The following CSNK2A2IP variants were observed in gnomAD, a reference collection of about 807,000 sequenced individuals.
CSNK2A2IP encodes the protein casein kinase 2 subunit alpha' interacting protein.
chr3:88,456,604 G>A, the CSNK2A2IP span, among the ~76,000 whole-genome samples: 1 of 145,908 alleles, frequency 6.9e-6, no homozygotes, highest in African/African-American at 2.5e-5. Flanking sequence ...GGGCTTTAGG[G>A]TTTTCTATGT....
the CSNK2A2IP span, among the ~76,000 whole-genome samples, chr3:88,376,551 G>A: frequency 6.6e-6 from 1 of 151,614 alleles, no homozygotes; most frequent in African/African-American, 2.4e-5. Flanking sequence ...TATTTCATTA[G>A]CTTCAAGATA....
the CSNK2A2IP span, among the ~76,000 whole-genome samples, chr3:88,425,353 T>C: frequency 2.6e-5 from 4 of 152,076 alleles, no homozygotes; most frequent in African/African-American, 9.6e-5. Context: ...CAAACCAAAT[T>C]GTATTTTTCC....
At chr3:88,429,571 T>G in the CSNK2A2IP span, among the ~76,000 whole-genome samples, 1 of 88,180 alleles carries the variant, frequency 1.1e-5, no homozygotes, top group Non-Finnish European at 2.6e-5. Context: ...GCTAAATAGC[T>G]GGCTCTCTGA....
chr3:88,366,751 G>A, the CSNK2A2IP span, among the ~76,000 whole-genome samples: 2 of 152,022 alleles, frequency 1.3e-5, no homozygotes, highest in Non-Finnish European at 1.5e-5. Context: ...TTCTTAAATA[G>A]GGGCATGTAT....
At chr3:88,464,603 A>G in the CSNK2A2IP span, among the ~76,000 whole-genome samples, 1 of 152,112 alleles carries the variant, frequency 6.6e-6, no homozygotes, top group Non-Finnish European at 1.5e-5. Context: ...ATAAGAACTA[A>G]AAATATGCGA....
the CSNK2A2IP span, among the ~76,000 whole-genome samples, chr3:88,460,814 G>A: frequency 6.6e-6 from 1 of 152,076 alleles, no homozygotes; most frequent in South Asian, 2.1e-4. Flanking sequence ...GAGGATGGAC[G>A]CCATGGCTCA....
the CSNK2A2IP span, among the ~76,000 whole-genome samples, chr3:88,435,645 C>A: frequency 6.6e-6 from 1 of 152,000 alleles, no homozygotes; most frequent in African/African-American, 2.4e-5. Flanking sequence ...CTATTACTTG[C>A]GGCCTTTAAA....
At chr3:88,411,379 G>GTCTATCTA in the CSNK2A2IP span, among the ~76,000 whole-genome samples, 437 of 143,608 alleles carry the variant, frequency 3.0e-3, 7 homozygotes, top group African/African-American at 0.012. Flanking sequence ...CTATCTATCT[G>GTCTATCTA]TCTATCTATC....
At chr3:88,388,552 A>G in the CSNK2A2IP span, among the ~76,000 whole-genome samples, 1 of 152,202 alleles carries the variant, frequency 6.6e-6, no homozygotes, top group African/African-American at 2.4e-5. Context: ...TATCTAATTA[A>G]ATGCAAGTCT....
At chr3:88,345,076 G>T in the CSNK2A2IP span, among the ~76,000 whole-genome samples, 2 of 152,000 alleles carry the variant, frequency 1.3e-5, no homozygotes, top group African/African-American at 2.4e-5. Flanking sequence ...CGCACACATT[G>T]TCTGGATTAT....
the CSNK2A2IP span, among the ~76,000 whole-genome samples, chr3:88,417,544 A>C: frequency 6.6e-6 from 1 of 152,126 alleles, no homozygotes; most frequent in Non-Finnish European, 1.5e-5. Context: ...TCTGTAACCT[A>C]CTGTTTTGTA....
At chr3:88,378,148 T>C in the CSNK2A2IP span, among the ~76,000 whole-genome samples, 6 of 152,122 alleles carry the variant, frequency 3.9e-5, no homozygotes. Flanking sequence ...TTATTAATGA[T>C]GCAATTTTAA....
the CSNK2A2IP span, among the ~76,000 whole-genome samples, chr3:88,396,191 G>A: frequency 2.2e-3 from 320 of 144,292 alleles, 5 homozygotes; most frequent in Non-Finnish European, 3.7e-4. Context: ...TGCAGGCTCC[G>A]CCCCCTGGGG....
At chr3:88,421,676 C>G in the CSNK2A2IP span, among the ~76,000 whole-genome samples, 5 of 152,148 alleles carry the variant, frequency 3.3e-5, no homozygotes, top group African/African-American at 1.2e-4. Flanking sequence ...CTCGGCCTCT[C>G]AAAATGCTGG....
chr3:88,366,984 C>A, the CSNK2A2IP span, among the ~76,000 whole-genome samples: 1 of 151,934 alleles, frequency 6.6e-6, no homozygotes, highest in Non-Finnish European at 1.5e-5. Flanking sequence ...TTATTCACTA[C>A]CATGAGAAGA....
At chr3:88,367,030 C>T in the CSNK2A2IP span, among the ~76,000 whole-genome samples, 4 of 152,156 alleles carry the variant, frequency 2.6e-5, no homozygotes, top group South Asian at 8.3e-4. Flanking sequence ...TCAATTGTCT[C>T]CCACAGGGTC....
the CSNK2A2IP span, among the ~76,000 whole-genome samples, chr3:88,359,373 G>C: frequency 1.9e-4 from 29 of 151,348 alleles, no homozygotes; most frequent in Admixed American, 1.7e-3. Context: ...ATTTATTTCT[G>C]CTCTGATCTT....
At chr3:88,373,857 C>T in the CSNK2A2IP span, among the ~76,000 whole-genome samples, 17 of 151,446 alleles carry the variant, frequency 1.1e-4, no homozygotes, top group African/African-American at 2.4e-4. Flanking sequence ...CAGCTTTATG[C>T]TAATACATTA....
the CSNK2A2IP span, among the ~76,000 whole-genome samples, chr3:88,368,353 C>G: frequency 6.6e-6 from 1 of 151,902 alleles, no homozygotes; most frequent in South Asian, 2.1e-4. Context: ...ATGATAAGTT[C>G]AAAATAGAAA....
Sources: gnomAD v4.1 joint callset for allele counts (sites outside exome capture counted in the v4.1 genomes callset) on GRCh38, gnomAD v4.1.1 for gene constraint, MANE v1.5 for transcripts, NCBI Gene and HGNC (gene_info 2026-07-23, HGNC 2026-07-21) for gene names.